Variants in ARHGAP29 observed in about 807,000 individuals in gnomAD.
ARHGAP29 encodes rho GTPase-activating protein 29.
In ARHGAP29, 43 loss-of-function variants were observed where a neutral mutation model predicts 122.6. The ratio of observed to expected loss-of-function variants is 0.35; its 90% CI spans 0.27 to 0.45. The LOEUF (loss-of-function observed/expected upper bound fraction) is 0.45, where lower values mean the gene tolerates loss of function less well. ARHGAP29 is among the 20% of genes least tolerant of loss of function. The pLI is 1.00. For missense variants in ARHGAP29, 1,303 were observed against 1,477.2 expected, an observed-to-expected ratio of 0.88 and a Z score of 1.93; for synonymous variants, 506 against 497.1, an observed-to-expected ratio of 1.02 and a Z score of -0.24.
At chr1:94,216,291 T>C (rs1025042000) in intron 3 of ARHGAP29, among the ~76,000 whole-genome samples, 7 of 152,184 alleles carry the variant, frequency 4.6e-5, no homozygotes, top group Non-Finnish European at 8.8e-5. Context: ...TATAAGGGAT[T>C]ACCATACAGC....
intron 6 of ARHGAP29, 118 bp downstream of exon 6, chr1:94,205,517 T>G (rs975265710): frequency 1.0e-6 from 1 of 966,892 alleles, no homozygotes; most frequent in Non-Finnish European, 1.6e-6. Context: ...ACTTTATATA[T>G]CATTTTGCAT....
chr1:94,276,642 A>G (rs1269181557), upstream of ARHGAP29, among the ~76,000 whole-genome samples: 2 of 151,688 alleles, frequency 1.3e-5, no homozygotes, highest in Non-Finnish European at 2.9e-5. Flanking sequence ...TTAGCTGGGC[A>G]TGGTGGCGTG....
intron 6 of ARHGAP29, 122 bp from the exon 7 acceptor site, chr1:94,205,320 G>A (rs1199610593): frequency 2.1e-5 from 17 of 791,336 alleles, no homozygotes; most frequent in Non-Finnish European, 3.1e-5. Flanking sequence ...AAAAATACAA[G>A]TGACAAATTT....
At chr1:94,303,446 G>A in the ARHGAP29 span, among the ~76,000 whole-genome samples, 2 of 152,302 alleles carry the variant, frequency 1.3e-5, no homozygotes, top group Non-Finnish European at 1.5e-5. Context: ...AATGGGTACC[G>A]AGTTCCAGAT....
upstream of ARHGAP29, among the ~76,000 whole-genome samples, chr1:94,241,568 G>C (rs1326417503): frequency 6.7e-6 from 1 of 150,328 alleles, no homozygotes; most frequent in Non-Finnish European, 1.5e-5. Context: ...AGTGAGCCAA[G>C]ATCACACCAC....
In ARHGAP29 at chr1:94,189,246, C is replaced by A. The variant is rs766251103; in HGVS notation, c.1546G>T (p.Asp516Tyr). The change falls in exon 14 of 23, where the codon GAC (aspartate) becomes TAC (tyrosine). Residue 516 changes from aspartate (D) to tyrosine (Y), a missense_variant. Asp to Tyr is a radical substitution (Grantham distance 160). Around this residue, in one of 3 missense-constraint regions of ARHGAP29, gnomAD observed 592 missense variants for 648.2 expected, o/e 0.91. Transcript: ENST00000260526. ...ATATCTGCACTGTTAGAGCATCTGTCCTCTTCAATTTTATTAGAACTGTCA... is the reference window on the plus strand; with the variant it reads ...ATATCTGCACTGTTAGAGCATCTGTACTCTTCAATTTTATTAGAACTGTCA... ...LPDSSNKIEE[D>Y]RCSNSADITG... 15 of 1,612,796 alleles carry A rather than the reference C, an allele frequency of 9.3e-6. No individual in the cohort carries two copies. The highest frequency in any genetic ancestry group is 1.3e-5 in the Non-Finnish European group (15 of 1,179,432).
rs372982277 is a variant in ARHGAP29 at position 94,205,170 on chromosome 1, G to A, written c.588C>T (p.Asn196=). The A allele has an allele frequency of 1.2e-5, 19 of 1,599,424 alleles. No individual in the cohort carries two copies. The highest frequency in any genetic ancestry group is 1.7e-4 in the Middle Eastern group (1 of 5,994). Residue 196 remains asparagine (N), a synonymous_variant, in exon 7 of 23, where the codon AAC becomes AAT. Transcript: ENST00000260526. The part of the protein sequence containing the change: ...KGNFSPLELD[N]VLLKNTDSIE... ...TAGAGTCAGTGTTCTTTAACAGCAC[G>A]TTGTCTAGTTCTAAAGGGGAAAAAT...
intron 1 of ARHGAP29, among the ~76,000 whole-genome samples, chr1:94,256,319 G>A (rs1232085750): frequency 6.6e-6 from 1 of 152,036 alleles, no homozygotes; most frequent in African/African-American, 2.4e-5. Context: ...TTATTACACA[G>A]ATTGTATCTA....
chr1:94,214,376 C>T (rs1651832493), intron 3 of ARHGAP29, among the ~76,000 whole-genome samples: 1 of 152,168 alleles, frequency 6.6e-6, no homozygotes, highest in Non-Finnish European at 1.5e-5. Flanking sequence ...GAATCTCACC[C>T]ACTTCCATAC....
rs187776215 is a variant in ARHGAP29 at position 94,170,471 on chromosome 1, T to C, written c.*3398A>G. On this transcript the variant is annotated 3_prime_UTR_variant, in exon 23 of 23. Coordinates refer to ENST00000260526, the MANE Select transcript of ARHGAP29 (RefSeq NM_004815.4). ...AGAGATAGGGCAACTAAATGCACTA[T>C]GTGGTCCTGGATTGGGATGCTGAAA... Among the ~76,000 whole-genome samples the C allele has an allele frequency of 3.4e-4, 52 of 152,296 alleles. No individual in the cohort carries two copies. Among genetic ancestry groups the C allele is most frequent in the Non-Finnish European group, 5.7e-4 (39 of 68,024 alleles).
the ARHGAP29 span, among the ~76,000 whole-genome samples, chr1:94,303,657 G>A: frequency 6.6e-6 from 1 of 152,226 alleles, no homozygotes; most frequent in Non-Finnish European, 1.5e-5. Flanking sequence ...TGCAGTGTGA[G>A]TGAATACATA....
chr1:94,209,011 G>GGGCCGGGCGCGGTGGCTCACGCCTGT, intron 4 of ARHGAP29, 107 bp from the exon 5 acceptor site: 2 of 1,054,950 alleles, frequency 1.9e-6, no homozygotes, highest in Non-Finnish European at 2.8e-6. Flanking sequence ...AAGAACCTTA[G>GGGCCGGGCGCGGTGGCTCACGCCTGT]AAATAAACCC....
intron 2 of ARHGAP29, among the ~76,000 whole-genome samples, chr1:94,227,574 C>T (rs562828028): frequency 8.4e-4 from 128 of 151,776 alleles, no homozygotes; most frequent in African/African-American, 2.9e-3. Flanking sequence ...AGTAGCAGAA[C>T]AATTAGATAT....
chr1:94,201,632 C>A, intron 12 of ARHGAP29, 88 bp downstream of exon 12: 3 of 1,533,192 alleles, frequency 2.0e-6, no homozygotes, highest in Non-Finnish European at 2.6e-6. Flanking sequence ...CTCAGCCTCC[C>A]AAAGTGCTGG....
chr1:94,253,873 G>A (rs1156423055), intron 1 of ARHGAP29, among the ~76,000 whole-genome samples: 1 of 152,186 alleles, frequency 6.6e-6, no homozygotes, highest in African/African-American at 2.4e-5. Context: ...ATATAGGGGT[G>A]GCTGCCTGTG....
rs1010627894 is a variant in ARHGAP29 at position 94,174,048 on chromosome 1, C to T, written c.3607G>A (p.Val1203Met). The T allele has an allele frequency of 1.2e-6, 2 of 1,614,182 alleles. No individual in the cohort carries two copies. The highest frequency in any genetic ancestry group is 2.2e-5 in the East Asian group (1 of 44,882). The change falls in exon 23 of 23, where the codon GTG becomes ATG. Residue 1203 changes from valine to methionine, a missense_variant. By Grantham distance (21) the Val-to-Met change is conservative. Coordinates refer to ENST00000260526, the MANE Select transcript of ARHGAP29 (RefSeq NM_004815.4). The part of the protein sequence containing the change: ...GTDHDPHGLV[V>M]KSMPDPDKAS... ...TTGTCTGGGTCTGGCATTGACTTCA[C>T]CACGAGACCGTGGGGATCGTGATCT...
the ARHGAP29 span, among the ~76,000 whole-genome samples, chr1:94,313,337 A>G: frequency 6.6e-6 from 1 of 152,050 alleles, no homozygotes; most frequent in African/African-American, 2.4e-5. Context: ...AAGAAACAAG[A>G]CCCTCTTTCT....
chr1:94,195,747 C>T (rs377646165), intron 12 of ARHGAP29: 5 of 151,884 alleles, frequency 3.3e-5, no homozygotes, highest in African/African-American at 1.2e-4. Flanking sequence ...GAAGTATATG[C>T]TCTCTATAAT....
intron 22 of ARHGAP29, chr1:94,177,025 A>T (rs1649137280): frequency 6.6e-6 from 1 of 152,256 alleles, no homozygotes; most frequent in South Asian, 2.1e-4. Context: ...TGACAATACA[A>T]ATGGAAGCTT....
Sources: allele counts gnomAD v4.1 joint callset (sites outside exome capture counted in the v4.1 genomes callset), GRCh38; gene constraint gnomAD v4.1.1; regional missense constraint gnomAD v4.1.1; transcripts MANE v1.5; gene names NCBI Gene and HGNC (gene_info 2026-07-23, HGNC 2026-07-21).